The following LRRTM4 variants were observed in gnomAD, a reference collection of about 807,000 sequenced individuals.
LRRTM4 encodes leucine-rich repeat transmembrane neuronal protein 4.
In LRRTM4, 25 loss-of-function variants were observed where a neutral mutation model predicts 47.6. The ratio of observed to expected loss-of-function variants is 0.53; its 90% CI spans 0.38 to 0.73. The LOEUF is 0.73. Ranked by LOEUF, LRRTM4 falls within the 30% of genes least tolerant of loss-of-function variation. LRRTM4 has a pLI of 0.00. For missense variants in LRRTM4, 638 were observed against 713.4 expected (o/e 0.89, Z 1.20); for synonymous variants, 311 against 269.5 (o/e 1.15, Z -1.51).
At chr2:77,305,923 G>GTAATTTAATAAA (rs1677258404) in intron 3 of LRRTM4, among the ~76,000 whole-genome samples, 1 of 151,944 alleles carries the variant, frequency 6.6e-6, no homozygotes, top group Admixed American at 6.6e-5. Flanking sequence ...CATAAGCCAG[G>GTAATTTAATAAA]ATAATAGTAT....
chr2:77,148,808 AAC>A (rs1421215443), intron 3 of LRRTM4, among the ~76,000 whole-genome samples: 1 of 152,142 alleles, frequency 6.6e-6, no homozygotes, highest in Non-Finnish European at 1.5e-5. Context: ...TCAATGAGGA[AAC>A]AAAAGTTAGG....
chr2:77,254,830 C>A (rs188132761), intron 3 of LRRTM4, among the ~76,000 whole-genome samples: 87 of 139,636 alleles, frequency 6.2e-4, no homozygotes, highest in African/African-American at 2.2e-3. Context: ...GAATTTTAAA[C>A]AATGGTCAAG....
In LRRTM4 at chr2:76,748,582, T is replaced by C; in HGVS notation, c.*113A>G. On this transcript the variant is annotated 3_prime_UTR_variant, in exon 4 of 4. Coordinates refer to ENST00000409884, the MANE Select transcript of LRRTM4 (RefSeq NM_001134745.3). ...TCTTTTCTCTATGCCATAAATGTTT[T>C]AACAGGAACGATGAGCTTGCTCGAT... is the stretch of plus-strand genomic sequence containing the variant. 1.2e-6 allele frequency: 1 copy of C among 860,864 alleles called. No homozygotes were observed. 53.3% of individuals were successfully genotyped at this position (860,864 alleles called of 1,614,324 possible).
At chr2:76,907,966 A>C (rs954363016) in intron 3 of LRRTM4, among the ~76,000 whole-genome samples, 2 of 151,398 alleles carry the variant, frequency 1.3e-5, no homozygotes, top group Non-Finnish European at 1.5e-5. Context: ...CAATAGAAAA[A>C]GAGGGAATCC....
At chr2:77,082,415 A>T (rs972814661) in intron 3 of LRRTM4, among the ~76,000 whole-genome samples, 2 of 151,930 alleles carry the variant, frequency 1.3e-5, no homozygotes, top group South Asian at 2.1e-4. Flanking sequence ...AAGTTGTGTC[A>T]TAGAAACAAA....
intron 3 of LRRTM4, among the ~76,000 whole-genome samples, chr2:77,409,518 G>C (rs1674339641): frequency 6.6e-6 from 1 of 152,158 alleles, no homozygotes; most frequent in Non-Finnish European, 1.5e-5. Flanking sequence ...ACTGAATTTT[G>C]ATGGGGATGT....
At chr2:76,848,779 G>C (rs761906690) in intron 3 of LRRTM4, among the ~76,000 whole-genome samples, 35 of 152,110 alleles carry the variant, frequency 2.3e-4, no homozygotes, top group Non-Finnish European at 4.6e-4. Flanking sequence ...GGAAACCTCT[G>C]CTTAATCCAA....
At chr2:77,001,705 A>G (rs1320418972) in intron 3 of LRRTM4, among the ~76,000 whole-genome samples, 1 of 152,120 alleles carries the variant, frequency 6.6e-6, no homozygotes, top group Admixed American at 6.6e-5. Context: ...TTAAAACTCA[A>G]TTGCGAGAGA....
At chr2:77,004,537 T>C (rs1056211604) in intron 3 of LRRTM4, among the ~76,000 whole-genome samples, 1 of 152,164 alleles carries the variant, frequency 6.6e-6, no homozygotes, top group Non-Finnish European at 1.5e-5. Flanking sequence ...AGAAGTGTGC[T>C]ACAGTGGTGG....
intron 3 of LRRTM4, among the ~76,000 whole-genome samples, chr2:77,236,002 T>C (rs1675093503): frequency 1.3e-5 from 2 of 152,114 alleles, no homozygotes; most frequent in Non-Finnish European, 2.9e-5. Flanking sequence ...GCTATTTGAA[T>C]TCCTTTTTCG....
chr2:76,807,548 A>G (rs1246603741), intron 3 of LRRTM4, among the ~76,000 whole-genome samples: 1 of 146,706 alleles, frequency 6.8e-6, no homozygotes, highest in South Asian at 2.1e-4. Context: ...TGTGTTTGCC[A>G]TAATCATGAT....
At chr2:77,066,691 A>T (rs756892931) in intron 3 of LRRTM4, among the ~76,000 whole-genome samples, 3 of 152,214 alleles carry the variant, frequency 2.0e-5, no homozygotes, top group Non-Finnish European at 4.4e-5. Context: ...ATATGTAGGC[A>T]TATACATGCA....
intron 3 of LRRTM4, among the ~76,000 whole-genome samples, chr2:77,493,881 A>G (rs1678260715): frequency 6.6e-6 from 1 of 152,138 alleles, no homozygotes; most frequent in East Asian, 1.9e-4. Flanking sequence ...AGAAAAAAAT[A>G]CTGGCTTTCT....
intron 3 of LRRTM4, among the ~76,000 whole-genome samples, chr2:77,039,682 T>A (rs1464990963): frequency 6.6e-6 from 1 of 151,298 alleles, no homozygotes; most frequent in Non-Finnish European, 1.5e-5. Flanking sequence ...TTGTGTTTAT[T>A]TGTATACACA....
chr2:76,802,364 A>G (rs977166115), intron 3 of LRRTM4, among the ~76,000 whole-genome samples: 1 of 152,116 alleles, frequency 6.6e-6, no homozygotes, highest in African/African-American at 2.4e-5. Context: ...CAAGAAAACT[A>G]TTCCATTTAC....
At chr2:77,334,965 G>T (rs762473411) in intron 3 of LRRTM4, among the ~76,000 whole-genome samples, 10 of 152,100 alleles carry the variant, frequency 6.6e-5, no homozygotes, top group Non-Finnish European at 1.3e-4. Flanking sequence ...TTTAGTAAAT[G>T]CTAGTTTCTA....
intron 3 of LRRTM4, among the ~76,000 whole-genome samples, chr2:77,412,408 A>G (rs984369845): frequency 9.9e-5 from 15 of 152,232 alleles, no homozygotes; most frequent in Non-Finnish European, 2.2e-4. Context: ...CTGTTCAGCC[A>G]TCTAGCAAAT....
intron 3 of LRRTM4, among the ~76,000 whole-genome samples, chr2:76,997,868 A>G (rs954462621): frequency 1.3e-5 from 2 of 151,864 alleles, no homozygotes; most frequent in African/African-American, 4.8e-5. Flanking sequence ...GCATCATGAG[A>G]TTCTCAAAGA....
At chr2:77,352,696 A>C (rs1203610350) in intron 3 of LRRTM4, among the ~76,000 whole-genome samples, 1 of 152,074 alleles carries the variant, frequency 6.6e-6, no homozygotes, top group East Asian at 1.9e-4. Context: ...CCAAGATAAA[A>C]TTTTTTTGCA....
Sources: gnomAD v4.1 joint callset for allele counts (sites outside exome capture counted in the v4.1 genomes callset) on GRCh38, gnomAD v4.1.1 for gene constraint, MANE v1.5 for transcripts, NCBI Gene and HGNC (gene_info 2026-07-23, HGNC 2026-07-21) for gene names.